The following HENMT1 variants were observed in gnomAD, a reference collection of about 807,000 sequenced individuals.
HENMT1 encodes the protein small RNA 2'-O-methyltransferase.
In HENMT1, 27 loss-of-function variants were observed where a neutral mutation model predicts 31.1. The ratio of observed to expected loss-of-function variants is 0.87; its 90% CI spans 0.64 to 1.20. The LOEUF (loss-of-function observed/expected upper bound fraction) is 1.20. HENMT1 is among the 50% of genes most tolerant of loss of function. The pLI is 0.00. For missense variants in HENMT1, 438 were observed against 469.6 expected (o/e 0.93, Z 0.62); for synonymous variants, 167 against 172.2 (o/e 0.97, Z 0.24).
intron 5 of HENMT1, 22 bp downstream of exon 5, chr1:108,654,694 A>G: frequency 6.2e-7 from 1 of 1,611,978 alleles, no homozygotes; most frequent in Non-Finnish European, 8.5e-7. Flanking sequence ...ACAGTTATAC[A>G]GTGTATCAGT....
At position 108,648,686 on chromosome 1, in the gene HENMT1, G is replaced by A. The variant is rs372370753; in HGVS notation, c.1062C>T (p.Arg354=). The change falls in exon 8 of 8, where the codon CGC becomes CGT. Residue 354 remains arginine (R), a synonymous_variant. Coordinates refer to ENST00000651461, the MANE Select transcript of HENMT1 (RefSeq NM_001102592.2). ...TCATCATCTCTTCATTAGCACATAA[G>A]CGGTTCAACTTGGGATACGCAAGGA... ...QRLLAYPKLN[R]LCANEEMMRS... 11 of 1,614,058 alleles carry A rather than the reference G, an allele frequency of 6.8e-6. No individual in the cohort carries two copies. The African/African-American group carries it at 1.2e-4, about 18-fold the overall frequency.
chr1:108,651,261 AT>A, intron 5 of HENMT1, 52 bp from the exon 6 acceptor site: 1 of 1,433,292 alleles, frequency 7.0e-7, no homozygotes, highest in Non-Finnish European at 9.6e-7. Flanking sequence ...ACTTGCACCT[AT>A]TTTTCTAATT....
intron 3 of HENMT1, among the ~76,000 whole-genome samples, chr1:108,656,041 G>C (rs1658230397): frequency 6.6e-6 from 1 of 152,104 alleles, no homozygotes; most frequent in Non-Finnish European, 1.5e-5. Context: ...TTCAGAATCA[G>C]AATTTGGAGT....
At position 108,651,036 on chromosome 1, in the gene HENMT1, T is replaced by C. The variant is rs771848528; in HGVS notation, c.572A>G (p.Gln191Arg). 6.2e-7 allele frequency: 1 copy of C among 1,611,330 alleles called. No individual in the cohort carries two copies. The highest frequency in any genetic ancestry group is 1.3e-5 in the African/African-American group (1 of 74,856). ...AAAACCCTTCTGAACTTACCAGGTC[T>C]GAAACTCCATTCTGGTCCACTCAAA... ...HKFEWTRMEF[Q>R]TWALYVANRY... The change falls in exon 6 of 8, where the codon CAG becomes CGG. Residue 191 changes from glutamine to arginine, a missense_variant. Gln to Arg is a conservative substitution (Grantham distance 43). Coordinates refer to ENST00000651461, the MANE Select transcript of HENMT1 (RefSeq NM_001102592.2).
intron 7 of HENMT1, chr1:108,649,940 C>A: frequency 2.0e-6 from 1 of 507,916 alleles, no homozygotes; most frequent in Non-Finnish European, 3.7e-6. Flanking sequence ...AGGTGTGAGC[C>A]ACTGTACCCA....
intron 1 of HENMT1, 120 bp downstream of exon 1, chr1:108,660,843 G>C: frequency 3.3e-6 from 1 of 301,558 alleles, no homozygotes; most frequent in Non-Finnish European, 4.9e-6. Flanking sequence ...AGAATGGCAT[G>C]AACCCGGGAG....
At chr1:108,655,848 T>TAC (rs61122468) in intron 3 of HENMT1, 150 bp from the exon 4 acceptor site, 22,428 of 232,668 alleles carry the variant, frequency 0.096, 1,092 homozygotes, top group African/African-American at 0.13. Flanking sequence ...CAGAAGATGC[T>TAC]ACACACACAC....
rs962739359 is a variant in HENMT1 at position 108,660,571 on chromosome 1, T to C, written c.-79+392A>G. 4.6e-5 allele frequency among the ~76,000 whole-genome samples: 7 copies of C among 152,358 alleles called. 1 individual carries two copies. Among genetic ancestry groups the C allele is most frequent in the Middle Eastern group, 6.8e-3 (2 of 294 alleles). ...AAATTTTAGTTCTCTATTGCACATG[T>C]GTCTCCAACAACTAGACTTTAATCT... is the stretch of plus-strand genomic sequence containing the variant. On this transcript the variant is annotated intron_variant, in intron 1 of 7. Coordinates refer to ENST00000651461, the MANE Select transcript of HENMT1 (RefSeq NM_001102592.2).
chr1:108,655,848 TACACAC>T (rs61122468), intron 3 of HENMT1, 150 bp from the exon 4 acceptor site: 9,019 of 233,080 alleles, frequency 0.039, 52 homozygotes, highest in East Asian at 0.12. Flanking sequence ...CAGAAGATGC[TACACAC>T]ACACACACAC....
At chr1:108,658,143 T>TTA (rs1553183834) in intron 2 of HENMT1, among the ~76,000 whole-genome samples, 33 of 148,124 alleles carry the variant, frequency 2.2e-4, no homozygotes, top group African/African-American at 8.2e-4. Flanking sequence ...ATTTTTTTTT[T>TTA]CCCCCCAAGA....
chr1:108,650,343 AG>A lies in HENMT1; in HGVS notation c.623del (p.Thr208MetfsTer19). 1 of 1,614,184 alleles carries A rather than the reference AG, an allele frequency of 6.2e-7. No individual in the cohort carries two copies. Among genetic ancestry groups the A allele is most frequent in the Non-Finnish European group, 8.5e-7 (1 of 1,180,022 alleles). On this transcript the variant is annotated frameshift_variant, in exon 7 of 8. Transcript: ENST00000651461. LOFTEE classifies it high-confidence loss of function. ...CTCCAGCTGGTGGTTCCCCGACACC[AG>A]TAAACTCCACAGAGTAATCATAGCG... Reference protein sequence around the residue: ...ANRYDYSVEFTGVGEPPAGAE... With the variant: ...ANRYDYSVEFXGVGEPPAGAE...
chr1:108,660,681 T>C (rs946782340), intron 1 of HENMT1, among the ~76,000 whole-genome samples: 1 of 152,018 alleles, frequency 6.6e-6, no homozygotes, highest in Non-Finnish European at 1.5e-5. Flanking sequence ...TCCCAGCACT[T>C]TGGGAGGCCG....
intron 7 of HENMT1, chr1:108,649,868 G>A: frequency 2.7e-6 from 1 of 374,412 alleles, no homozygotes. Context: ...TGTCCAGGCT[G>A]CACTCGAACT....
At chr1:108,658,086 C>CATATATAT (rs1658315345) in intron 2 of HENMT1, among the ~76,000 whole-genome samples, 2 of 129,146 alleles carry the variant, frequency 1.5e-5, no homozygotes, top group Non-Finnish European at 3.6e-5. Context: ...CACACACACA[C>CATATATAT]ACACACACAT....
Position 108,659,916 on chromosome 1 carries a change from A to C in HENMT1, c.-32T>G. ...TCGAAGTTTTGTTGAAACAAAAATG[A>C]AGATTTATCCTTCAAGCTCTATTTG... On this transcript the variant is annotated 5_prime_UTR_variant, in exon 2 of 8. Transcript: ENST00000651461. The C allele has an allele frequency of 1.3e-6, 2 of 1,596,420 alleles. No homozygotes were observed. The highest frequency in any genetic ancestry group is 1.7e-6 in the Non-Finnish European group (2 of 1,172,108).
intron 2 of HENMT1, among the ~76,000 whole-genome samples, chr1:108,658,798 A>G (rs963456543): frequency 2.0e-5 from 3 of 152,222 alleles, no homozygotes; most frequent in Non-Finnish European, 4.4e-5. Context: ...ATAAAGTCAG[A>G]CTAATTTTTT....
At chr1:108,661,282 C>T (rs1391881318), upstream of HENMT1, 1 of 152,288 alleles carries the variant, frequency 6.6e-6, no homozygotes, top group Non-Finnish European at 1.5e-5. Flanking sequence ...GGTTTTGCGT[C>T]TCGTAACGGC....
At position 108,648,787 on chromosome 1, in the gene HENMT1, C is replaced by A. The variant is rs148839420; in HGVS notation, c.961G>T (p.Val321Phe). The A allele has an allele frequency of 6.2e-7, 1 of 1,614,094 alleles. No homozygotes were observed. Among genetic ancestry groups the A allele is most frequent in the Non-Finnish European group, 8.5e-7 (1 of 1,180,028 alleles). ...VPCFGPVFTE[V>F]EKAKIENSPT... Reference sequence around the variant, plus strand: ...GAGTTCTCTATCTTGGCCTTCTCAACCTCTGTGAAGACTGGTCCAAAGCAT... The same window carrying A: ...GAGTTCTCTATCTTGGCCTTCTCAAACTCTGTGAAGACTGGTCCAAAGCAT... Residue 321 changes from valine (V) to phenylalanine (F), a missense_variant, in exon 8 of 8, where the codon GTT becomes TTT. Transcript: ENST00000651461.
At chr1:108,657,734 C>T (rs990701832) in intron 2 of HENMT1, among the ~76,000 whole-genome samples, 155 bp from the exon 3 acceptor site, 49 of 152,046 alleles carry the variant, frequency 3.2e-4, no homozygotes, top group Non-Finnish European at 1.8e-4. Flanking sequence ...TTAGGTAGCA[C>T]TGCATTTCCT....
Sources: allele counts gnomAD v4.1 joint callset (sites outside exome capture counted in the v4.1 genomes callset), GRCh38; gene constraint gnomAD v4.1.1; transcripts MANE v1.5; gene names NCBI Gene and HGNC (gene_info 2026-07-23, HGNC 2026-07-21).